The following HLA-DQA2 variants were observed in gnomAD, a reference collection of about 807,000 sequenced individuals.
HLA-DQA2 encodes major histocompatibility complex, class II, DQ alpha 2.
Under a neutral mutation model 21.0 loss-of-function variants are expected in HLA-DQA2, and 17 were observed. That is an observed-to-expected ratio of 0.81 (90% confidence interval 0.56 to 1.22). The LOEUF (loss-of-function observed/expected upper bound fraction) is 1.22. Ranked by LOEUF, HLA-DQA2 falls within the 50% of genes most tolerant of loss-of-function variation. HLA-DQA2 has a pLI of 0.00. For missense variants in HLA-DQA2, 239 were observed against 308.8 expected, an observed-to-expected ratio of 0.77 and a Z score of 1.69; for synonymous variants, 81 against 116.5, an observed-to-expected ratio of 0.70 and a Z score of 1.96.
At chr6:32,745,649 G>C in intron 2 of HLA-DQA2, 142 bp from the exon 3 acceptor site, 1 of 953,424 alleles carries the variant, frequency 1.0e-6, no homozygotes, top group Non-Finnish European at 1.5e-6. Context: ...GCAATGTGTC[G>C]TTGCTCCCAA....
chr6:32,745,657 C>T, intron 2 of HLA-DQA2, 134 bp from the exon 3 acceptor site: 1 of 1,108,234 alleles, frequency 9.0e-7, no homozygotes, highest in Non-Finnish European at 1.3e-6. Context: ...TCGTTGCTCC[C>T]AAGCAGAAGG....
In HLA-DQA2 at chr6:32,745,961, G is replaced by C; in HGVS notation, c.502G>C (p.Asp168His). ...TGAGACCAGCTTCCTCTCCAAGAGT[G>C]ATCATTCCTTCTTCAAGATCAGTTA... The part of the protein sequence containing the change: ...VSETSFLSKS[D>H]HSFFKISYLT... Residue 168 changes from aspartate (D) to histidine (H), a missense_variant, in exon 3 of 5, where the codon GAT becomes CAT. Coordinates refer to ENST00000374940, the MANE Select transcript of HLA-DQA2 (RefSeq NM_020056.5). 1 of 1,613,164 alleles carries C rather than the reference G, an allele frequency of 6.2e-7. No homozygotes were observed. The highest frequency in any genetic ancestry group is 1.1e-5 in the South Asian group (1 of 91,086).
rs1222461568 is a variant in HLA-DQA2, at chr6:32,746,669, C to A, written c.*108C>A. On this transcript the variant is annotated 3_prime_UTR_variant, in exon 5 of 5. Transcript: ENST00000374940. ...GCCTGATTTATCATATCCCTTTTCT[C>A]CTCCAAATGTTTCTTCTCTCACCTC... 34 of 678,568 alleles carry A rather than the reference C, an allele frequency of 5.0e-5. No homozygotes were observed. Among genetic ancestry groups the A allele is most frequent in the Non-Finnish European group, 2.7e-6 (1 of 370,842 alleles). 42.0% of individuals were successfully genotyped at this position (678,568 alleles called of 1,614,324 possible). A position where few individuals can be genotyped will look rare whatever the true frequency, so the allele number is the denominator to read the frequency against.
Position 32,746,370 on chromosome 6 carries a change from T to C in HLA-DQA2, c.744T>C (p.Ala248=). 1 of 1,612,586 alleles carries C rather than the reference T, an allele frequency of 6.2e-7. No homozygotes were observed. Among genetic ancestry groups the C allele is most frequent in the Non-Finnish European group, 8.5e-7 (1 of 1,179,942 alleles). ...FIIQGLRSVG[A]SRHQGLL is the part of the protein sequence containing the mutation. ...TCCAAGGCCTGCGTTCAGTTGGTGC[T>C]TCCAGACACCAAGGGCTCTTATGAA... Residue 248 remains alanine, a synonymous_variant, in exon 4 of 5, where the codon GCT becomes GCC. Coordinates refer to ENST00000374940, the MANE Select transcript of HLA-DQA2 (RefSeq NM_020056.5).
At position 32,745,224 on chromosome 6, in the gene HLA-DQA2, C is replaced by T. The variant is rs762074519; in HGVS notation, c.148C>T (p.His50Tyr). 38 of 1,613,906 alleles carry T rather than the reference C, an allele frequency of 2.4e-5. No homozygotes were observed. The highest frequency in any genetic ancestry group is 3.2e-5 in the Non-Finnish European group (38 of 1,179,938). ...TCACGGTCCCTCTGGCCAGTACACC[C>T]ATGAATTTGATGGAGACGAGGAGTT... is the stretch of plus-strand genomic sequence containing the variant. ...QSHGPSGQYT[H>Y]EFDGDEEFYV... The change falls in exon 2 of 5, where the codon CAT becomes TAT. Residue 50 changes from histidine (H) to tyrosine (Y), a missense_variant. Transcript: ENST00000374940.
rs766210137 is a variant in HLA-DQA2 at position 32,745,398 on chromosome 6, G to T, written c.322G>T (p.Ala108Ser). The T allele has an allele frequency of 2.5e-6, 4 of 1,611,994 alleles. No individual in the cohort carries two copies. Among genetic ancestry groups the T allele is most frequent in the Non-Finnish European group, 3.4e-6 (4 of 1,179,380 alleles). Reference sequence around the variant, plus strand: ...GATGAGACAGTCCAACTCTACCGCTGCCACCAATGGTACGTGTCCACCATT... The same window carrying T: ...GATGAGACAGTCCAACTCTACCGCTTCCACCAATGGTACGTGTCCACCATT... ...FMMRQSNSTA[A>S]TNEVPEVTVF... The change falls in exon 2 of 5, where the codon GCC (alanine) becomes TCC (serine). Residue 108 changes from alanine (A) to serine (S), a missense_variant. Transcript: ENST00000374940.
At chr6:32,741,600 C>A (rs1010872537) in intron 1 of HLA-DQA2, 75 bp downstream of exon 1, 1 of 1,354,478 alleles carries the variant, frequency 7.4e-7, no homozygotes. Context: ...GTGTAATTTG[C>A]TAAGAAATAG....
In HLA-DQA2 at chr6:32,747,038, G is replaced by T; in HGVS notation, c.*477G>T. On this transcript the variant is annotated 3_prime_UTR_variant, in exon 5 of 5. Transcript: ENST00000374940. ...TAACACAGGAGCAACCAAGTACAGT[G>T]TATCCTGATAATTTGTTGATTTCTT... The T allele has an allele frequency of 5.0e-6, 1 of 200,044 alleles. No homozygotes were observed. Among genetic ancestry groups the T allele is most frequent in the Non-Finnish European group, 1.0e-5 (1 of 97,030 alleles). 12.4% of individuals were successfully genotyped at this position (200,044 alleles called of 1,614,324 possible).
chr6:32,745,501 T>A, intron 2 of HLA-DQA2, 94 bp downstream of exon 2: 3 of 1,335,466 alleles, frequency 2.2e-6, no homozygotes, highest in African/African-American at 1.5e-5. Flanking sequence ...GATCTTCTCA[T>A]GGTAATTGCT....
chr6:32,744,195 G>A (rs1322426619), intron 1 of HLA-DQA2, among the ~76,000 whole-genome samples: 1 of 152,148 alleles, frequency 6.6e-6, no homozygotes, highest in African/African-American at 2.4e-5. Flanking sequence ...TGGATGCTCA[G>A]TAAATGAGGA....
chr6:32,745,900 G>T lies in HLA-DQA2; in HGVS notation c.441G>T (p.Trp147Cys), dbSNP rs1163373109. The change falls in exon 3 of 5, where the codon TGG becomes TGT. Residue 147 changes from tryptophan to cysteine, a missense_variant. Transcript: ENST00000374940. ...TTCCTCCTGTGGTCAACATCACCTG[G>T]CTGAGCAATGGGCACTCAGTCACAG... ...NIFPPVVNIT[W>C]LSNGHSVTEG... 6.2e-7 allele frequency: 1 copy of T among 1,613,152 alleles called. No individual in the cohort carries two copies. Among genetic ancestry groups the T allele is most frequent in the Non-Finnish European group, 8.5e-7 (1 of 1,180,046 alleles).
intron 3 of HLA-DQA2, 71 bp from the exon 4 acceptor site, chr6:32,746,169 C>CCCCAT: frequency 1.3e-6 from 2 of 1,570,734 alleles, no homozygotes; most frequent in African/African-American, 1.4e-5. Context: ...CAGCCCTCCA[C>CCCCAT]CCCATCCCAT....
intron 4 of HLA-DQA2, 71 bp from the exon 5 acceptor site, chr6:32,746,511 A>T: frequency 3.5e-6 from 5 of 1,412,802 alleles, no homozygotes; most frequent in Non-Finnish European, 5.0e-6. Flanking sequence ...TTGTAGGCGA[A>T]TTGGGAAGTG....
chr6:32,742,132 C>T (rs927097806), intron 1 of HLA-DQA2, among the ~76,000 whole-genome samples: 3 of 152,210 alleles, frequency 2.0e-5, no homozygotes, highest in South Asian at 2.1e-4. Context: ...TATGTCACCT[C>T]GCTTATGATC....
At chr6:32,744,094 T>C (rs764587344) in intron 1 of HLA-DQA2, among the ~76,000 whole-genome samples, 1 of 152,152 alleles carries the variant, frequency 6.6e-6, no homozygotes, top group Non-Finnish European at 1.5e-5. Context: ...CCAAAGTACA[T>C]TGTATTTGCT....
At position 32,746,893 on chromosome 6, in the gene HLA-DQA2, C is replaced by A; in HGVS notation, c.*332C>A. 1 of 290,048 alleles carries A rather than the reference C, an allele frequency of 3.4e-6. No homozygotes were observed. Among genetic ancestry groups the A allele is most frequent in the South Asian group, 2.7e-5 (1 of 37,098 alleles). 18.0% of individuals were successfully genotyped at this position (290,048 alleles called of 1,614,324 possible). On this transcript the variant is annotated 3_prime_UTR_variant, in exon 5 of 5. Transcript: ENST00000374940. ...GGAAGCAATAAATTCCCTTTTGATG[C>A]CTCTATTGAATTTTTCCCATCTTTC...
chr6:32,744,437 A>T (rs74223469), intron 1 of HLA-DQA2, among the ~76,000 whole-genome samples: 1 of 146,026 alleles, frequency 6.8e-6, no homozygotes, highest in Non-Finnish European at 1.5e-5. Context: ...GAAAAAAAAA[A>T]GTGGGGGCAA....
chr6:32,744,369 C>T (rs1032442820), intron 1 of HLA-DQA2, among the ~76,000 whole-genome samples: 6 of 151,682 alleles, frequency 4.0e-5, no homozygotes, highest in African/African-American at 1.5e-4. Context: ...CCTGAGTCCT[C>T]GAGTGAATGT....
At chr6:32,744,281 T>A (rs1763409343) in intron 1 of HLA-DQA2, among the ~76,000 whole-genome samples, 1 of 150,772 alleles carries the variant, frequency 6.6e-6, no homozygotes, top group African/African-American at 2.4e-5. Flanking sequence ...CTCATTTGGC[T>A]ATACTTCATG....
Sources: allele counts gnomAD v4.1 joint callset (sites outside exome capture counted in the v4.1 genomes callset), GRCh38; gene constraint gnomAD v4.1.1; transcripts MANE v1.5; gene names NCBI Gene and HGNC (gene_info 2026-07-23, HGNC 2026-07-21).